The following CRMP1 variants were observed in gnomAD, a reference collection of about 807,000 sequenced individuals.
The protein encoded by CRMP1 is collapsin response mediator protein 1, also known as dihydropyrimidinase-related protein 1.
Under a neutral mutation model 68.3 loss-of-function variants are expected in CRMP1, and 19 were observed. The observed-to-expected ratio is 0.28, with a 90% confidence interval of 0.19 to 0.41. The LOEUF (loss-of-function observed/expected upper bound fraction) is 0.41. Among genes scored for constraint, CRMP1 ranks in the 10% least tolerant of loss-of-function variants. The probability of loss-of-function intolerance (pLI) is 1.00; values close to 1 mark genes in which losing one functional copy is unlikely to be tolerated. For synonymous variants in CRMP1, 439 were observed against 399.6 expected (o/e 1.10, Z -1.18); for missense variants, 791 against 967.4 (o/e 0.82, Z 2.42).
intron 1 of CRMP1, among the ~76,000 whole-genome samples, chr4:5,882,465 C>T (rs986153738): frequency 2.0e-5 from 3 of 152,158 alleles, no homozygotes; most frequent in Non-Finnish European, 4.4e-5. Context: ...AATACACCAT[C>T]CCACGGTAAT....
intron 1 of CRMP1, among the ~76,000 whole-genome samples, chr4:5,878,011 C>A (rs1053433646): frequency 2.0e-5 from 3 of 152,248 alleles, no homozygotes; most frequent in African/African-American, 4.8e-5. Context: ...CCGAACAGAA[C>A]TCCTTTGCCT....
chr4:5,835,836 A>G, intron 11 of CRMP1, 79 bp downstream of exon 11: 1 of 1,337,626 alleles, frequency 7.5e-7, no homozygotes, highest in African/African-American at 1.5e-5. Flanking sequence ...AAAATTCATA[A>G]ATCATTTTTA....
chr4:5,862,015 C>T (rs1713601013), intron 2 of CRMP1, among the ~76,000 whole-genome samples: 1 of 152,214 alleles, frequency 6.6e-6, no homozygotes, highest in Non-Finnish European at 1.5e-5. Context: ...AGCCTCTGCC[C>T]TCCTGGGCTC....
chr4:5,839,635 G>A lies in CRMP1; in HGVS notation c.1197C>T (p.Thr399=), dbSNP rs369344197. The A allele has an allele frequency of 3.7e-5, 60 of 1,613,080 alleles. No homozygotes were observed. Among genetic ancestry groups the A allele is most frequent in the Middle Eastern group, 3.3e-4 (2 of 6,082 alleles). ...FGEPIAASLG[T]DGTHYWSKNW... ...TCTTGCTCCAGTAATGGGTGCCATC[G>A]GTCCCCAGGCTGGCGGCAATGGGCT... Residue 399 remains threonine, a synonymous_variant, in exon 9 of 14, where the codon ACC becomes ACT. Coordinates refer to ENST00000324989, the MANE Select transcript of CRMP1 (RefSeq NM_001014809.3).
rs762444072 is a variant in CRMP1, at chr4:5,883,600, G to A, written c.381+8989C>T. On this transcript the variant is annotated intron_variant, in intron 1 of 13. Transcript: ENST00000324989. The surrounding 1 kb of genome is among the most constrained non-coding windows in gnomAD (Gnocchi z 4.5). ...ACAGGCACCCTTTAGTCTTTCTTAA[G>A]TTGTTTTATGTGCATGCACTTTGTC... Among the ~76,000 whole-genome samples the A allele has an allele frequency of 6.6e-6, 1 of 151,930 alleles. No homozygotes were observed. The highest frequency in any genetic ancestry group is 1.5e-5 in the Non-Finnish European group (1 of 68,018).
intron 13 of CRMP1, among the ~76,000 whole-genome samples, chr4:5,823,802 T>TTTAA (rs1273864154): frequency 6.6e-6 from 1 of 152,178 alleles, no homozygotes; most frequent in Non-Finnish European, 1.5e-5. Context: ...AGTAAACCTC[T>TTTAA]TTAATTACCC....
At chr4:5,848,200 A>C (rs1344876576) in intron 6 of CRMP1, among the ~76,000 whole-genome samples, 1 of 150,184 alleles carries the variant, frequency 6.7e-6, no homozygotes, top group Non-Finnish European at 1.5e-5. Context: ...GCTGGAGTGC[A>C]GTGGCGTGAT....
chr4:5,833,557 CCTCTCT>C (rs77284695), intron 11 of CRMP1, among the ~76,000 whole-genome samples: 1 of 151,026 alleles, frequency 6.6e-6, no homozygotes, highest in African/African-American at 2.4e-5. Context: ...ACACATGTGT[CCTCTCT>C]CTCTCTCCAT....
chr4:5,885,452 G>C lies in CRMP1; in HGVS notation c.381+7137C>G, dbSNP rs141234568. Among the ~76,000 whole-genome samples the C allele has an allele frequency of 2.9e-3, 436 of 152,300 alleles. 1 individual carries two copies. The highest frequency in any genetic ancestry group is 9.7e-3 in the African/African-American group (404 of 41,552). ...TTCCAAGCCCCCAGGTCTCTCCACA[G>C]GCCACACACCATGGCTGTCAGAAAC... On this transcript the variant is annotated intron_variant, in intron 1 of 13. Transcript: ENST00000324989.
intron 1 of CRMP1, among the ~76,000 whole-genome samples, chr4:5,867,080 T>C (rs766046905): frequency 1.3e-5 from 2 of 152,254 alleles, no homozygotes; most frequent in Non-Finnish European, 2.9e-5. Context: ...GAAATGAGTA[T>C]GGGCAGCAAG....
chr4:5,835,971 C>A lies in CRMP1; in HGVS notation c.1567G>T (p.Val523Leu). The A allele has an allele frequency of 6.3e-7, 1 of 1,597,434 alleles. No homozygotes were observed. ...AACTTGTCGGGGTCCCAGATGACCA[C>A]GTCGGCATCCGAGCCCACGGCAATC... ...GRIAVGSDAD[V>L]VIWDPDKLKT... Residue 523 changes from valine (V) to leucine (L), a missense_variant, in exon 11 of 14, where the codon GTG (valine) becomes TTG (leucine). This residue lies in a region of CRMP1 where 594 missense variants were observed against 763.6 expected (regional missense o/e 0.78). Transcript: ENST00000324989.
intron 6 of CRMP1, among the ~76,000 whole-genome samples, chr4:5,845,685 T>C (rs1414811968): frequency 2.0e-5 from 3 of 152,232 alleles, no homozygotes; most frequent in Non-Finnish European, 4.4e-5. Context: ...TAATTTGTTA[T>C]GCAATCATGG....
chr4:5,854,757 A>G lies in CRMP1; in HGVS notation c.820+1386T>C, dbSNP rs1712926348. ...GAAGCAATAATGCCCAATGGTGCAA[A>G]GGTGCAGGGACTAGAGATTCTGGCA... On this transcript the variant is annotated intron_variant, in intron 4 of 13. Coordinates refer to ENST00000324989, the MANE Select transcript of CRMP1 (RefSeq NM_001014809.3). This position sits in a 1 kb window ranked among gnomAD's most constrained non-coding sequence, Gnocchi z 4.0. Among the ~76,000 whole-genome samples the G allele has an allele frequency of 6.6e-6, 1 of 152,194 alleles. No individual in the cohort carries two copies. The highest frequency in any genetic ancestry group is 2.4e-5 in the African/African-American group (1 of 41,456).
intron 6 of CRMP1, among the ~76,000 whole-genome samples, chr4:5,844,272 A>G (rs1190847645): frequency 6.7e-6 from 1 of 149,094 alleles, no homozygotes; most frequent in Non-Finnish European, 1.5e-5. Flanking sequence ...TTACAAAAAG[A>G]TTTTAGAATA....
intron 1 of CRMP1, among the ~76,000 whole-genome samples, chr4:5,869,205 G>A (rs545271059): frequency 5.3e-5 from 8 of 152,088 alleles, no homozygotes; most frequent in Middle Eastern, 3.4e-3. Flanking sequence ...CTCCCTCCTC[G>A]GTTTCCCAAA....
rs1045273283 is a variant in CRMP1 at position 5,834,520 on chromosome 4, T to C, written c.1623+1395A>G. 6.6e-6 allele frequency among the ~76,000 whole-genome samples: 1 copy of C among 152,148 alleles called. No homozygotes were observed. Among genetic ancestry groups the C allele is most frequent in the Non-Finnish European group, 1.5e-5 (1 of 68,022 alleles). On this transcript the variant is annotated intron_variant, in intron 11 of 13. Transcript: ENST00000324989. The surrounding 1 kb of genome is among the most constrained non-coding windows in gnomAD (Gnocchi z 4.3). ...GATGCCGGCATTTTAATACTGAAAT[T>C]CCCAGCCTCCAGAACCGTGAGCCAC...
At chr4:5,874,863 G>A (rs1041209572) in intron 1 of CRMP1, among the ~76,000 whole-genome samples, 2 of 152,190 alleles carry the variant, frequency 1.3e-5, no homozygotes, top group African/African-American at 2.4e-5. Flanking sequence ...AACCCCACTA[G>A]CTGAGAGAGA....
In CRMP1 at chr4:5,854,094, T is replaced by A. The variant is rs1282628840; in HGVS notation, c.820+2049A>T. On this transcript the variant is annotated intron_variant, in intron 4 of 13. Transcript: ENST00000324989. The surrounding 1 kb of genome is among the most constrained non-coding windows in gnomAD (Gnocchi z 4.0). ...GACCCTCCCATCTCAGTGAGGGGCG[T>A]CCTAAACGACCATTTGCTTAAGGCG... 2.0e-5 allele frequency among the ~76,000 whole-genome samples: 3 copies of A among 152,186 alleles called. No homozygotes were observed. Among genetic ancestry groups the A allele is most frequent in the African/African-American group, 7.2e-5 (3 of 41,444 alleles).
chr4:5,828,630 G>A lies in CRMP1; in HGVS notation c.1662C>T (p.His554=), dbSNP rs761002480. Residue 554 remains histidine (H), a synonymous_variant, in exon 12 of 14, where the codon CAC becomes CAT. Transcript: ENST00000324989. ...EYNIFEGMEC[H]GSPLVVISQG... ...GGCTGATGACCACTAGTGGGGAGCC[G>A]TGGCACTCCATACCCTCGAAGATGT... The A allele has an allele frequency of 7.4e-6, 12 of 1,614,176 alleles. No individual in the cohort carries two copies. The highest frequency in any genetic ancestry group is 4.5e-5 in the East Asian group (2 of 44,884).
Sources: gnomAD v4.1 joint callset for allele counts (sites outside exome capture counted in the v4.1 genomes callset) on GRCh38, gnomAD v4.1.1 for gene constraint, gnomAD v4.1.1 regional missense constraint, Gnocchi (gnomAD v3.1) non-coding constraint, MANE v1.5 for transcripts, NCBI Gene and HGNC (gene_info 2026-07-23, HGNC 2026-07-21) for gene names.